The following ARHGAP22 variants were observed in gnomAD, a reference collection of about 807,000 sequenced individuals.
ARHGAP22 encodes Rho GTPase activating protein 22.
ARHGAP22 carries 48 observed loss-of-function variants against 59.1 expected under a neutral mutation model. The ratio of observed to expected loss-of-function variants is 0.81; its 90% confidence interval spans 0.64 to 1.03. The LOEUF (loss-of-function observed/expected upper bound fraction) is 1.03, where lower values mean the gene tolerates loss of function less well. ARHGAP22 is among the 50% of genes least tolerant of loss of function. The probability of loss-of-function intolerance (pLI) is 0.00; values close to 1 mark genes in which losing one functional copy is unlikely to be tolerated. For missense variants in ARHGAP22, 1,015 were observed against 958.7 expected, an observed-to-expected ratio of 1.06 and a Z score of -0.78; for synonymous variants, 445 against 416.4, an observed-to-expected ratio of 1.07 and a Z score of -0.84.
intron 5 of ARHGAP22, among the ~76,000 whole-genome samples, chr10:48,456,149 C>G (rs1564681154): frequency 6.6e-6 from 1 of 152,196 alleles, no homozygotes; most frequent in Non-Finnish European, 1.5e-5. Flanking sequence ...ATCTGCTTGT[C>G]TAGAACCATG....
At chr10:48,455,202 G>A (rs550672416) in intron 5 of ARHGAP22, 68 bp from the exon 6 acceptor site, 92 of 1,479,014 alleles carry the variant, frequency 6.2e-5, no homozygotes, top group East Asian at 9.3e-5. Context: ...TGACTGGTAC[G>A]CCCTGACGCC....
intron 1 of ARHGAP22, among the ~76,000 whole-genome samples, chr10:48,651,244 C>T (rs1259177769): frequency 6.6e-6 from 1 of 152,192 alleles, no homozygotes; most frequent in Non-Finnish European, 1.5e-5. Context: ...ATTTCACCCA[C>T]TAGCTTCTAG....
intron 2 of ARHGAP22, 95 bp downstream of exon 2, chr10:48,582,858 T>C (rs2059199630): frequency 3.5e-6 from 5 of 1,412,092 alleles, no homozygotes; most frequent in Non-Finnish European, 2.0e-6. Context: ...ATGGAGTCAG[T>C]GGCTCTGTGC....
downstream of ARHGAP22, among the ~76,000 whole-genome samples, chr10:48,442,104 A>G (rs2045216831): frequency 6.6e-6 from 1 of 152,154 alleles, no homozygotes; most frequent in African/African-American, 2.4e-5. Flanking sequence ...TGACATGAGT[A>G]CACTGCATGC....
intron 1 of ARHGAP22, among the ~76,000 whole-genome samples, chr10:48,590,228 G>A (rs1052715406): frequency 2.0e-5 from 3 of 151,988 alleles, no homozygotes; most frequent in Non-Finnish European, 4.4e-5. Flanking sequence ...GTATGGAGGG[G>A]CAGGGTGCCC....
At chr10:48,559,238 A>C (rs1212433132) in intron 2 of ARHGAP22, among the ~76,000 whole-genome samples, 1 of 152,202 alleles carries the variant, frequency 6.6e-6, no homozygotes, top group Non-Finnish European at 1.5e-5. Flanking sequence ...GCAGACGGGC[A>C]CCTAGGTACA....
chr10:48,595,375 A>G (rs1476562430), intron 1 of ARHGAP22, among the ~76,000 whole-genome samples: 1 of 152,156 alleles, frequency 6.6e-6, no homozygotes, highest in Non-Finnish European at 1.5e-5. Flanking sequence ...CATCAAGTTA[A>G]TGCAATTTGC....
downstream of ARHGAP22, among the ~76,000 whole-genome samples, chr10:48,442,371 T>C (rs2045223693): frequency 6.6e-6 from 1 of 152,232 alleles, no homozygotes; most frequent in Non-Finnish European, 1.5e-5. Context: ...CAGGCTCGGC[T>C]CAGCACCCTG....
intron 1 of ARHGAP22, among the ~76,000 whole-genome samples, chr10:48,593,593 A>G (rs1589047254): frequency 6.6e-6 from 1 of 152,382 alleles, no homozygotes; most frequent in Admixed American, 6.5e-5. Context: ...GATGGCTACT[A>G]AGTGACCACA....
downstream of ARHGAP22, among the ~76,000 whole-genome samples, chr10:48,443,446 C>A (rs2045249741): frequency 6.6e-6 from 1 of 152,106 alleles, no homozygotes; most frequent in South Asian, 2.1e-4. Flanking sequence ...ATTGTGAGAC[C>A]CCTGTGCTCA....
At chr10:48,452,835 G>C (rs1162590913) in intron 8 of ARHGAP22, among the ~76,000 whole-genome samples, 2 of 151,992 alleles carry the variant, frequency 1.3e-5, no homozygotes, top group Admixed American at 1.3e-4. Context: ...CTTGGTAGAA[G>C]CTTACTGAAA....
At chr10:48,434,934 A>G in the ARHGAP22 span, 22 of 1,613,488 alleles carry the variant, frequency 1.4e-5, no homozygotes, top group East Asian at 2.7e-4. Context: ...GTCGTCTGTC[A>G]ATGATGTGTC....
At position 48,537,291 on chromosome 10, in the gene ARHGAP22, C is replaced by T. The variant is rs544781226; in HGVS notation, c.322+18172G>A. 3.3e-5 allele frequency among the ~76,000 whole-genome samples: 5 copies of T among 152,326 alleles called. No individual in the cohort carries two copies. The South Asian group carries it at 8.3e-4, about 25-fold the overall frequency. On this transcript the variant is annotated intron_variant, in intron 3 of 9. Coordinates refer to ENST00000249601, the MANE Select transcript of ARHGAP22 (RefSeq NM_021226.4). The stretch of plus-strand genomic sequence containing the variant: ...ATTCCTGCCACCAGGATTTGTGGAG[C>T]CCTGCTCTGTGCCAGACATGGAAGA...
At chr10:48,586,355 G>C (rs1273864511) in intron 1 of ARHGAP22, among the ~76,000 whole-genome samples, 1 of 152,180 alleles carries the variant, frequency 6.6e-6, no homozygotes, top group East Asian at 1.9e-4. Flanking sequence ...TCACCCAGCA[G>C]GGCAAGCTGG....
chr10:48,458,643 C>G (rs11101332), intron 5 of ARHGAP22, among the ~76,000 whole-genome samples: 1 of 152,050 alleles, frequency 6.6e-6, no homozygotes, highest in Admixed American at 6.5e-5. Context: ...GGCTCCCAGG[C>G]CTTACCCAGG....
chr10:48,450,827 CTGCCGG>C lies in ARHGAP22; in HGVS notation c.1296_1301del (p.Phe432_Gln434delinsLeu). ...TCGGGCTTCCCGATAGGGACCTCGG[CTGCCGG>C]AAGGAGGACTTCCAACTGGGCAGGG... On this transcript the variant is annotated inframe_deletion, in exon 9 of 10. Transcript: ENST00000249601. 1 of 1,587,536 alleles carries C rather than the reference CTGCCGG, an allele frequency of 6.3e-7. No individual in the cohort carries two copies.
At chr10:48,542,377 G>A (rs959264161) in intron 3 of ARHGAP22, among the ~76,000 whole-genome samples, 1 of 152,208 alleles carries the variant, frequency 6.6e-6, no homozygotes, top group African/African-American at 2.4e-5. Flanking sequence ...AATGCTCTGT[G>A]GTTAGTGTCT....
intron 3 of ARHGAP22, among the ~76,000 whole-genome samples, chr10:48,498,390 G>C (rs2051161501): frequency 6.6e-6 from 1 of 152,140 alleles, no homozygotes; most frequent in Non-Finnish European, 1.5e-5. Context: ...AGAGCCTCCA[G>C]GTGCTCCACA....
chr10:48,648,718 T>C (rs549080460), intron 1 of ARHGAP22, among the ~76,000 whole-genome samples: 3 of 152,092 alleles, frequency 2.0e-5, no homozygotes, highest in Non-Finnish European at 2.9e-5. Context: ...GGGCAGATCA[T>C]GCAAACATCA....
Sources: gnomAD v4.1 joint callset for allele counts (sites outside exome capture counted in the v4.1 genomes callset) on GRCh38, gnomAD v4.1.1 for gene constraint, MANE v1.5 for transcripts, NCBI Gene and HGNC (gene_info 2026-07-23, HGNC 2026-07-21) for gene names.